Variants in ZNF431 observed in about 807,000 individuals in gnomAD.
ZNF431 encodes the protein zinc finger protein 431.
Under a neutral mutation model 57.0 loss-of-function variants are expected in ZNF431, and 34 were observed. The ratio of observed to expected loss-of-function variants is 0.60; its 90% CI spans 0.45 to 0.79. The LOEUF (loss-of-function observed/expected upper bound fraction) is 0.79. ZNF431 is among the 30% of genes least tolerant of loss of function. The probability of loss-of-function intolerance (pLI) is 0.00; values close to 1 mark genes in which losing one functional copy is unlikely to be tolerated. For synonymous variants in ZNF431, 207 were observed against 220.3 expected, an observed-to-expected ratio of 0.94 and a Z score of 0.54; for missense variants, 607 against 667.1, an observed-to-expected ratio of 0.91 and a Z score of 0.99.
intron 2 of ZNF431, among the ~76,000 whole-genome samples, chr19:21,160,613 C>T (rs1035407460): frequency 4.6e-5 from 7 of 152,282 alleles, no homozygotes; most frequent in South Asian, 2.1e-4. Flanking sequence ...CACTAAGAAC[C>T]GTCTCACAAT....
intron 2 of ZNF431, chr19:21,150,118 C>A: frequency 1.6e-6 from 1 of 637,554 alleles, no homozygotes; most frequent in Non-Finnish European, 3.0e-6. Context: ...TCTGCTTCTC[C>A]TCTTGCTTTG....
At chr19:21,143,458 A>C in intron 1 of ZNF431, 93 bp from the exon 2 acceptor site, 3 of 989,260 alleles carry the variant, frequency 3.0e-6, no homozygotes, top group Non-Finnish European at 4.8e-6. Context: ...CGTGGGTTTC[A>C]GTGCTGTCTG....
chr19:21,155,358 C>T (rs1970391134), intron 2 of ZNF431, among the ~76,000 whole-genome samples: 2 of 152,124 alleles, frequency 1.3e-5, no homozygotes, highest in Non-Finnish European at 2.9e-5. Flanking sequence ...TCTGAGGGCT[C>T]TGTTCTGTTC....
intron 2 of ZNF431, among the ~76,000 whole-genome samples, chr19:21,160,020 G>A (rs1970530262): frequency 7.0e-6 from 1 of 142,278 alleles, no homozygotes; most frequent in Non-Finnish European, 1.5e-5. Context: ...ATTACTTAGA[G>A]TATGCTAGAA....
chr19:21,148,291 G>A (rs897433894), intron 2 of ZNF431, among the ~76,000 whole-genome samples: 10 of 152,000 alleles, frequency 6.6e-5, no homozygotes, highest in African/African-American at 1.9e-4. Flanking sequence ...CACCATGCCC[G>A]GCCTCTTAAT....
chr19:21,169,922 C>T (rs533181997), intron 4 of ZNF431: 1 of 398,446 alleles, frequency 2.5e-6, no homozygotes, highest in South Asian at 1.3e-4. Context: ...TAGGTGTCTT[C>T]CTCCAGGTCT....
chr19:21,196,052 A>C lies in ZNF431; in HGVS notation c.*12018A>C, dbSNP rs1054648316. The C allele has an allele frequency of 8.4e-6, 1 of 119,570 alleles. No individual in the cohort carries two copies. Among genetic ancestry groups the C allele is most frequent in the Non-Finnish European group, 1.7e-5 (1 of 57,770 alleles). The allele number at this position is 119,570 out of a possible 1,614,324, so 7.4% of individuals were successfully genotyped here. A position where few individuals can be genotyped will look rare whatever the true frequency, so the allele number is the denominator to read the frequency against. On this transcript the variant is annotated 3_prime_UTR_variant, in exon 5 of 5. Transcript: ENST00000311048. ...ACAAAATATAAATCTATTTGATTTG[A>C]ATTTAATGGTGTGTGTGTGTGTGTG...
At chr19:21,157,293 A>G (rs1970441547) in intron 2 of ZNF431, among the ~76,000 whole-genome samples, 1 of 151,848 alleles carries the variant, frequency 6.6e-6, no homozygotes, top group Non-Finnish European at 1.5e-5. Context: ...ATGTGCCATC[A>G]CGCCCGGCTA....
chr19:21,181,277 G>A (rs1305564906), intron 4 of ZNF431, among the ~76,000 whole-genome samples: 2 of 152,100 alleles, frequency 1.3e-5, no homozygotes, highest in East Asian at 3.8e-4. Context: ...TAAGGCATAT[G>A]AAAAGCCAAT....
intron 2 of ZNF431, chr19:21,162,730 C>T (rs1970611116): frequency 2.0e-6 from 2 of 985,198 alleles, no homozygotes; most frequent in South Asian, 4.7e-5. Flanking sequence ...AGCTGGTGCT[C>T]AAAATTTCAG....
At position 21,193,221 on chromosome 19, in the gene ZNF431, C is replaced by T. The variant is rs1381889053; in HGVS notation, c.*9187C>T. 1.3e-5 allele frequency: 2 copies of T among 152,090 alleles called. No individual in the cohort carries two copies. Among genetic ancestry groups the T allele is most frequent in the African/African-American group, 2.4e-5 (1 of 41,408 alleles). 9.4% of individuals were successfully genotyped at this position (152,090 alleles called of 1,614,324 possible). A position where few individuals can be genotyped will look rare whatever the true frequency, so the allele number is the denominator to read the frequency against. ...CCAAAAAATCCAGGTGGAGTTCCAC[C>T]CTAACTCATTATATAAAATCTGTAT... On this transcript the variant is annotated 3_prime_UTR_variant, in exon 5 of 5. Transcript: ENST00000311048.
intron 4 of ZNF431, among the ~76,000 whole-genome samples, chr19:21,173,717 G>A (rs1023587342): frequency 6.6e-6 from 1 of 151,642 alleles, no homozygotes; most frequent in Non-Finnish European, 1.5e-5. Flanking sequence ...GTAGAGATGG[G>A]GCTTTCACAG....
At chr19:21,156,142 A>T (rs1271805703) in intron 2 of ZNF431, among the ~76,000 whole-genome samples, 1 of 152,200 alleles carries the variant, frequency 6.6e-6, no homozygotes, top group Non-Finnish European at 1.5e-5. Context: ...ACAAAAACCC[A>T]CAAAAGTGTC....
intron 2 of ZNF431, among the ~76,000 whole-genome samples, chr19:21,159,801 C>CT (rs1007171662): frequency 6.6e-6 from 1 of 152,126 alleles, no homozygotes; most frequent in African/African-American, 2.4e-5. Flanking sequence ...TGGTCCTGTT[C>CT]TTTTTTTGGT....
At chr19:21,169,933 C>T (rs1393144801) in intron 4 of ZNF431, 1 of 398,214 alleles carries the variant, frequency 2.5e-6, no homozygotes, top group Non-Finnish European at 4.4e-6. Flanking sequence ...CTCCAGGTCT[C>T]TGGAAGGGCA....
At chr19:21,179,133 A>G (rs1971139980) in intron 4 of ZNF431, among the ~76,000 whole-genome samples, 2 of 152,178 alleles carry the variant, frequency 1.3e-5, no homozygotes, top group Non-Finnish European at 1.5e-5. Flanking sequence ...CATTTCTTCT[A>G]GATGTTCCAG....
chr19:21,143,739 G>A (rs1970006539), intron 2 of ZNF431, 96 bp downstream of exon 2: 3 of 819,740 alleles, frequency 3.7e-6, no homozygotes, highest in South Asian at 1.6e-5. Flanking sequence ...TGGCACTGAT[G>A]GGAAAACACA....
rs576080587 is a variant in ZNF431, at chr19:21,142,192, A to G, written c.3+6A>G. The G allele has an allele frequency of 2.4e-5, 38 of 1,613,128 alleles. 1 individual carries two copies. In the South Asian group the frequency reaches 3.8e-4, roughly 16 times the overall value. ...CCCCTGAAAGCCTAGAAATGGTGAG[A>G]GTGCCGGGTCGGACATCCCGAGAGA... On this transcript the variant is annotated splice_donor_region_variant and intron_variant, in intron 1 of 4. Coordinates refer to ENST00000311048, the MANE Select transcript of ZNF431 (RefSeq NM_133473.4).
intron 2 of ZNF431, 103 bp downstream of exon 2, chr19:21,143,746 C>T: frequency 1.3e-6 from 1 of 775,074 alleles, no homozygotes; most frequent in Non-Finnish European, 2.2e-6. Flanking sequence ...GATGGGAAAA[C>T]ACAGAAATAA....
Sources: gnomAD v4.1 joint callset for allele counts (sites outside exome capture counted in the v4.1 genomes callset) on GRCh38, gnomAD v4.1.1 for gene constraint, MANE v1.5 for transcripts, NCBI Gene and HGNC (gene_info 2026-07-23, HGNC 2026-07-21) for gene names.